Variants in AMBRA1 observed in about 807,000 individuals in gnomAD.
AMBRA1 encodes activating molecule in BECN1-regulated autophagy protein 1.
AMBRA1 carries 47 observed loss-of-function variants against 125.4 expected under a neutral mutation model. The observed-to-expected ratio is 0.37, with a 90% confidence interval of 0.30 to 0.48. The LOEUF (loss-of-function observed/expected upper bound fraction) is 0.48, where lower values mean the gene tolerates loss of function less well. AMBRA1 is among the 20% of genes least tolerant of loss of function. The pLI, the probability that AMBRA1 is intolerant of heterozygous loss-of-function variation, is 0.99. For synonymous variants in AMBRA1, 626 were observed against 655.5 expected, an observed-to-expected ratio of 0.95 and a Z score of 0.69; for missense variants, 1,331 against 1,693.4, an observed-to-expected ratio of 0.79 and a Z score of 3.76.
intron 14 of AMBRA1, among the ~76,000 whole-genome samples, chr11:46,426,070 T>TAA (rs796784265): frequency 0.026 from 2,286 of 87,192 alleles, 60 homozygotes; most frequent in African/African-American, 0.09. Context: ...CATCTCAAAA[T>TAA]AAAAAAAAAA....
chr11:46,515,334 G>A (rs532214512), intron 7 of AMBRA1, among the ~76,000 whole-genome samples: 125 of 152,200 alleles, frequency 8.2e-4, no homozygotes, highest in African/African-American at 2.8e-3. Flanking sequence ...GTAGCCAGGC[G>A]TGGTGGTGCG....
intron 1 of AMBRA1, among the ~76,000 whole-genome samples, chr11:46,589,271 AT>A (rs1467217418): frequency 6.6e-6 from 1 of 152,210 alleles, no homozygotes; most frequent in Non-Finnish European, 1.5e-5. Flanking sequence ...GCAAAAAAAA[AT>A]TGATCACATT....
At chr11:46,553,269 A>C (rs2043065163) in intron 1 of AMBRA1, among the ~76,000 whole-genome samples, 1 of 152,168 alleles carries the variant, frequency 6.6e-6, no homozygotes, top group South Asian at 2.1e-4. Flanking sequence ...AAAAGTAATA[A>C]CTATTTATTG....
intron 9 of AMBRA1, among the ~76,000 whole-genome samples, chr11:46,502,240 T>C (rs1170956346): frequency 6.6e-6 from 1 of 152,180 alleles, no homozygotes; most frequent in Non-Finnish European, 1.5e-5. Flanking sequence ...AGTTTTTGTC[T>C]CGTTCCACAT....
chr11:46,581,405 G>A (rs1207720292), intron 1 of AMBRA1, among the ~76,000 whole-genome samples: 3 of 151,876 alleles, frequency 2.0e-5, no homozygotes, highest in African/African-American at 4.8e-5. Context: ...TCAGGAGATC[G>A]AGACCATCCT....
chr11:46,476,747 G>A (rs1257508872), intron 11 of AMBRA1, among the ~76,000 whole-genome samples: 5 of 152,196 alleles, frequency 3.3e-5, no homozygotes, highest in African/African-American at 1.2e-4. Context: ...GAAACACTTT[G>A]TGGCTTTTAT....
intron 1 of AMBRA1, among the ~76,000 whole-genome samples, chr11:46,582,996 G>A (rs1319952301): frequency 6.6e-6 from 1 of 150,666 alleles, no homozygotes; most frequent in East Asian, 1.9e-4. Context: ...GCCTACTGAA[G>A]GAATACACAT....
Position 46,542,872 on chromosome 11 carries a change from G to A in AMBRA1, c.1145C>T (p.Thr382Met), listed in dbSNP as rs1470195643. 7.4e-6 allele frequency: 12 copies of A among 1,613,300 alleles called. No individual in the cohort carries two copies. Among genetic ancestry groups the A allele is most frequent in the East Asian group, 2.2e-5 (1 of 44,870 alleles). The change falls in exon 7 of 18, where the codon ACG (threonine) becomes ATG (methionine). Residue 382 changes from threonine to methionine, a missense_variant. By Grantham distance (81) the Thr-to-Met change is moderately conservative. This residue lies in a region of AMBRA1 where 689 missense variants were observed against 776.5 expected (regional missense o/e 0.89). Transcript: ENST00000683756. The surrounding 1 kb of genome is among the most constrained non-coding windows in gnomAD (Gnocchi z 5.9). ...AGGACCCAGACTGAGGTTGCGGAGC[G>A]TGTTGCCGGCAGTGCTGCTCTGGAC... Reference protein sequence around the residue: ...STVQSSTAGNTLRNLSLGPTR... With the variant: ...STVQSSTAGNMLRNLSLGPTR...
At chr11:46,523,648 A>C (rs571057097) in intron 7 of AMBRA1, among the ~76,000 whole-genome samples, 243 of 152,348 alleles carry the variant, frequency 1.6e-3, no homozygotes, top group African/African-American at 5.5e-3. Context: ...ATGCCTGCTA[A>C]ATCGATACCT....
At chr11:46,503,883 A>G (rs1303840435) in intron 9 of AMBRA1, among the ~76,000 whole-genome samples, 1 of 152,182 alleles carries the variant, frequency 6.6e-6, no homozygotes, top group Non-Finnish European at 1.5e-5. Flanking sequence ...TGTTTAATAC[A>G]TATGGGGATC....
intron 1 of AMBRA1, among the ~76,000 whole-genome samples, chr11:46,549,323 G>C (rs1056417191): frequency 2.6e-5 from 4 of 152,140 alleles, no homozygotes; most frequent in African/African-American, 9.7e-5. Flanking sequence ...TGTTTCTTTA[G>C]CTCCACTATG....
At chr11:46,478,502 G>A (rs1949913204) in intron 11 of AMBRA1, among the ~76,000 whole-genome samples, 1 of 152,134 alleles carries the variant, frequency 6.6e-6, no homozygotes, top group South Asian at 2.1e-4. Flanking sequence ...AATACCCAGA[G>A]AAAGAGAAAA....
At chr11:46,558,721 AATAAATTT>A (rs1226160210) in intron 1 of AMBRA1, among the ~76,000 whole-genome samples, 2 of 152,166 alleles carry the variant, frequency 1.3e-5, no homozygotes, top group Non-Finnish European at 2.9e-5. Flanking sequence ...GATATCTCAA[AATAAATTT>A]ATTTTATCAC....
intron 1 of AMBRA1, among the ~76,000 whole-genome samples, chr11:46,560,635 C>T (rs2135237009): frequency 6.6e-6 from 1 of 152,226 alleles, no homozygotes; most frequent in Non-Finnish European, 1.5e-5. Context: ...AAACAGTGTG[C>T]TGAGAACACA....
At chr11:46,438,815 G>A (rs1285666050) in intron 12 of AMBRA1, among the ~76,000 whole-genome samples, 1 of 152,130 alleles carries the variant, frequency 6.6e-6, no homozygotes, top group African/African-American at 2.4e-5. Flanking sequence ...CTTTTTTCAG[G>A]AAAGCAATTT....
At position 46,397,600 on chromosome 11, in the gene AMBRA1, G is replaced by A. The variant is rs374289799; in HGVS notation, c.3747C>T (p.Pro1249=). 25 of 1,607,172 alleles carry A rather than the reference G, an allele frequency of 1.6e-5. No homozygotes were observed. Among genetic ancestry groups the A allele is most frequent in the Non-Finnish European group, 2.0e-5 (23 of 1,175,938 alleles). The part of the protein sequence containing the change: ...PGREPTQPTL[P]SSSPVPIPVS... ...CAGGAATGGGGACAGGGGAGGAAGA[G>A]GGCAGGGTTGGCTGGGTTGGCTCCC... The change falls in exon 18 of 18, where the codon CCC becomes CCT. Residue 1249 remains proline (P), a synonymous_variant. Transcript: ENST00000683756.
At chr11:46,444,606 A>T (rs1277461583) in intron 11 of AMBRA1, among the ~76,000 whole-genome samples, 3 of 152,292 alleles carry the variant, frequency 2.0e-5, no homozygotes, top group Admixed American at 1.3e-4. Context: ...TGAAAAACTG[A>T]ACTTGTTAGA....
intron 10 of AMBRA1, 66 bp downstream of exon 10, chr11:46,494,058 T>C (rs1950551026): frequency 6.9e-7 from 1 of 1,443,268 alleles, no homozygotes; most frequent in East Asian, 2.5e-5. Flanking sequence ...GACCAGAAAG[T>C]AGGTTTAAAA....
intron 17 of AMBRA1, among the ~76,000 whole-genome samples, chr11:46,405,796 T>C (rs1276134710): frequency 6.7e-6 from 1 of 149,680 alleles, no homozygotes; most frequent in Non-Finnish European, 1.5e-5. Flanking sequence ...CAGTGGCATA[T>C]CACAGCTCAC....
Sources: gnomAD v4.1 joint callset for allele counts (sites outside exome capture counted in the v4.1 genomes callset) on GRCh38, gnomAD v4.1.1 for gene constraint, gnomAD v4.1.1 regional missense constraint, Gnocchi (gnomAD v3.1) non-coding constraint, MANE v1.5 for transcripts, NCBI Gene and HGNC (gene_info 2026-07-23, HGNC 2026-07-21) for gene names.